SCIN: variants seen among roughly 807,000 people sequenced by gnomAD.
The protein encoded by SCIN is adseverin.
SCIN carries 91 observed loss-of-function variants against 91.8 expected under a neutral mutation model. The observed-to-expected ratio is 0.99, with a 90% CI of 0.84 to 1.18. The LOEUF is 1.18. Among genes scored for constraint, SCIN ranks in the 50% most tolerant of loss-of-function variants. The pLI is 0.00. For missense variants in SCIN, 1,087 were observed against 863.9 expected (o/e 1.26, Z -3.24); for synonymous variants, 367 against 312.6 (o/e 1.17, Z -1.84).
chr7:12,580,320 A>G (rs1009941117), intron 2 of SCIN, among the ~76,000 whole-genome samples: 4 of 152,338 alleles, frequency 2.6e-5, no homozygotes, highest in African/African-American at 4.8e-5. Context: ...GATCATTGCA[A>G]ATAATATAAG....
intron 1 of SCIN, among the ~76,000 whole-genome samples, chr7:12,576,301 A>C (rs1412225482): frequency 1.3e-5 from 2 of 151,932 alleles, no homozygotes; most frequent in Non-Finnish European, 1.5e-5. Context: ...CTTAACTTTG[A>C]CCACAGCGAG....
intron 3 of SCIN, among the ~76,000 whole-genome samples, chr7:12,602,629 A>G (rs1389190050): frequency 6.6e-6 from 1 of 152,116 alleles, no homozygotes; most frequent in Non-Finnish European, 1.5e-5. Flanking sequence ...TCTTAATATT[A>G]ATATTCCTTG....
At chr7:12,599,478 C>G (rs374845973) in intron 3 of SCIN, among the ~76,000 whole-genome samples, 5 of 152,088 alleles carry the variant, frequency 3.3e-5, no homozygotes, top group East Asian at 3.9e-4. Flanking sequence ...TGCTGCTATA[C>G]ACGTGTGTGC....
chr7:12,643,741 C>T (rs1157856044), intron 11 of SCIN, among the ~76,000 whole-genome samples: 1 of 152,206 alleles, frequency 6.6e-6, no homozygotes, highest in African/African-American at 2.4e-5. Flanking sequence ...CTCACTTGGC[C>T]TCAAGATCAC....
rs550381937 is a variant in SCIN, at chr7:12,658,307, T to G, written c.*5592T>G. On this transcript the variant is annotated 3_prime_UTR_variant, in exon 16 of 16. Transcript: ENST00000297029. ...TCCCAGGGAACTGATGAGCTTTAAC[T>G]GGAATAGTAGTGAGAATGATAGAGC... The G allele has an allele frequency of 5.3e-5, 8 of 152,144 alleles. No homozygotes were observed. The highest frequency in any genetic ancestry group is 1.2e-4 in the Non-Finnish European group (8 of 68,032). The allele number at this position is 152,144 out of a possible 1,614,324, so 9.4% of individuals were successfully genotyped here.
At chr7:12,644,073 G>C (rs1054671093) in intron 11 of SCIN, 65 bp from the exon 12 acceptor site, 14 of 1,421,544 alleles carry the variant, frequency 9.8e-6, no homozygotes. Context: ...ACAGCTTCTG[G>C]GACATGTTTA....
rs1488428101 is a variant in SCIN, at chr7:12,632,245, C to T, written c.1319+3023C>T. ...TCCCGGGTTCAAGCTATTCTCCTGC[C>T]TCAGCCTCCCGAGTACCTGGGATTA... is the stretch of plus-strand genomic sequence containing the variant. On this transcript the variant is annotated intron_variant, in intron 9 of 15. Transcript: ENST00000297029. Among the ~76,000 whole-genome samples, 3 of 152,000 alleles carry T rather than the reference C, an allele frequency of 2.0e-5. No individual in the cohort carries two copies. The East Asian group carries it at 5.8e-4, about 29-fold the overall frequency.
chr7:12,587,526 C>G (rs566506285), intron 3 of SCIN, among the ~76,000 whole-genome samples: 1 of 152,356 alleles, frequency 6.6e-6, no homozygotes, highest in African/African-American at 2.4e-5. Flanking sequence ...CTTCTGATGT[C>G]ATGGCCACAT....
At chr7:12,587,472 T>C (rs748765809) in intron 3 of SCIN, among the ~76,000 whole-genome samples, 3 of 152,228 alleles carry the variant, frequency 2.0e-5, no homozygotes, top group Non-Finnish European at 2.9e-5. Flanking sequence ...TTGGCCTCTG[T>C]TCCCCAGACA....
chr7:12,592,457 A>AGGAACG, intron 3 of SCIN, among the ~76,000 whole-genome samples: 1 of 151,900 alleles, frequency 6.6e-6, no homozygotes, highest in Non-Finnish European at 1.5e-5. Context: ...GTATTGAGGA[A>AGGAACG]CATTGGGAAA....
Position 12,578,127 on chromosome 7 carries a change from A to C in SCIN, c.263A>C (p.Tyr88Ser), listed in dbSNP as rs546368253. The C allele has an allele frequency of 3.2e-6, 5 of 1,551,342 alleles. 1 individual carries two copies. In the South Asian group the frequency reaches 6.0e-5, roughly 18 times the overall value. ...ATCTTCACTGTTCAGATGGATGACT[A>C]TTTGGGTGGCAAGCCAGTGCAGAAT... The part of the protein sequence containing the change: ...AAIFTVQMDD[Y>S]LGGKPVQNRE... Residue 88 changes from tyrosine (Y) to serine (S), a missense_variant, in exon 2 of 16, where the codon TAT becomes TCT. Physicochemically the swap from Tyr to Ser is moderately radical, Grantham distance 144. Transcript: ENST00000297029.
chr7:12,573,509 C>CATGCTTGAATGTATTAACATCAT (rs1333098133), intron 1 of SCIN, among the ~76,000 whole-genome samples: 1 of 152,136 alleles, frequency 6.6e-6, no homozygotes, highest in African/African-American at 2.4e-5. Flanking sequence ...ATTAACATTA[C>CATGCTTGAATGTATTAACATCAT]ATGCTTGAAT....
chr7:12,640,832 T>A (rs1433417083), intron 11 of SCIN, among the ~76,000 whole-genome samples: 2 of 152,166 alleles, frequency 1.3e-5, no homozygotes, highest in Non-Finnish European at 2.9e-5. Context: ...GGTGGATAGA[T>A]CATGGGTGAT....
chr7:12,644,628 T>G lies in SCIN; in HGVS notation c.1804T>G (p.Ser602Ala), dbSNP rs1259491816. ...TGGAGGGAAAAAAGACTACCAGACC[T>G]CACCACTACTGGAAACCCAGGCTGA... is the stretch of plus-strand genomic sequence containing the variant. The part of the protein sequence containing the change: ...SLGGKKDYQT[S>A]PLLETQAEDH... Residue 602 changes from serine (S) to alanine (A), a missense_variant, in exon 13 of 16, where the codon TCA becomes GCA. Coordinates refer to ENST00000297029, the MANE Select transcript of SCIN (RefSeq NM_001112706.3). 6.2e-7 allele frequency: 1 copy of G among 1,606,954 alleles called. No individual in the cohort carries two copies. Among genetic ancestry groups the G allele is most frequent in the Non-Finnish European group, 8.5e-7 (1 of 1,176,656 alleles).
At chr7:12,605,329 A>G (rs748306248) in intron 4 of SCIN, among the ~76,000 whole-genome samples, 38 of 152,196 alleles carry the variant, frequency 2.5e-4, no homozygotes, top group Admixed American at 1.2e-3. Flanking sequence ...GATTACAGGC[A>G]TGAGCCACCC....
chr7:12,592,204 G>A (rs1461804377), intron 3 of SCIN, among the ~76,000 whole-genome samples: 1 of 152,084 alleles, frequency 6.6e-6, no homozygotes, highest in Non-Finnish European at 1.5e-5. Context: ...CAATTGCAGT[G>A]TAGAGGGTGG....
intron 5 of SCIN, among the ~76,000 whole-genome samples, chr7:12,623,911 T>C (rs943260587): frequency 6.6e-6 from 1 of 152,212 alleles, no homozygotes; most frequent in East Asian, 1.9e-4. Flanking sequence ...AAGTGTTAGC[T>C]AAATATTTTG....
At chr7:12,584,470 T>G (rs1460197247) in intron 3 of SCIN, among the ~76,000 whole-genome samples, 1 of 152,238 alleles carries the variant, frequency 6.6e-6, no homozygotes, top group Non-Finnish European at 1.5e-5. Flanking sequence ...ATTAATATGT[T>G]ATTCCATATT....
intron 3 of SCIN, among the ~76,000 whole-genome samples, chr7:12,603,977 C>A (rs1298744015): frequency 1.3e-5 from 2 of 151,880 alleles, no homozygotes; most frequent in African/African-American, 4.8e-5. Flanking sequence ...GGGACAATAT[C>A]ACTCTTTTTA....
Sources: allele counts gnomAD v4.1 joint callset (sites outside exome capture counted in the v4.1 genomes callset), GRCh38; gene constraint gnomAD v4.1.1; transcripts MANE v1.5; gene names NCBI Gene and HGNC (gene_info 2026-07-23, HGNC 2026-07-21).